The following POC1A variants were observed in gnomAD, a reference collection of about 807,000 sequenced individuals.
POC1A encodes POC1 centriolar protein A.
A neutral mutation model predicts 47.8 loss-of-function variants in POC1A; 34 were observed. That is an observed-to-expected ratio of 0.71 (90% CI 0.54 to 0.95). The LOEUF is 0.95. Ranked by LOEUF, POC1A falls within the 40% of genes least tolerant of loss-of-function variation. POC1A has a pLI of 0.00. For synonymous variants in POC1A, 177 were observed against 207.6 expected, an observed-to-expected ratio of 0.85 and a Z score of 1.27; for missense variants, 466 against 528.3, an observed-to-expected ratio of 0.88 and a Z score of 1.16.
chr3:52,086,323 T>C (rs979969993), intron 10 of POC1A, among the ~76,000 whole-genome samples: 2 of 152,224 alleles, frequency 1.3e-5, no homozygotes, highest in Non-Finnish European at 2.9e-5. Context: ...TGTGCTGCAC[T>C]GAATGTCTAA....
At chr3:52,146,891 C>A (rs573613635) in intron 5 of POC1A, 97 bp downstream of exon 5, 2 of 975,978 alleles carry the variant, frequency 2.0e-6, no homozygotes, top group African/African-American at 1.6e-5. Flanking sequence ...GCTGGTCCCA[C>A]GGCTCCAGCC....
intron 9 of POC1A, among the ~76,000 whole-genome samples, chr3:52,101,087 CAGCAAAAAAAAAAAAAAAAAAAATAT>C (rs1702988247): frequency 8.7e-6 from 1 of 114,610 alleles, no homozygotes; most frequent in African/African-American, 3.5e-5. Flanking sequence ...CCCCAACCCT[CAGCAAAAAAAAAAAAAAAAAAAATAT>C]CAAGCACCAA....
chr3:52,111,652 TAAA>T (rs59028696), intron 9 of POC1A, among the ~76,000 whole-genome samples: 6 of 95,172 alleles, frequency 6.3e-5, no homozygotes, highest in South Asian at 3.4e-4. Context: ...GTCTCAAAAT[TAAA>T]AAAAAAAAAA....
At chr3:52,153,974 C>T (rs560232898) in intron 1 of POC1A, among the ~76,000 whole-genome samples, 2 of 152,240 alleles carry the variant, frequency 1.3e-5, no homozygotes, top group African/African-American at 2.4e-5. Context: ...TACCTACCTG[C>T]TGGAGCAGGG....
At chr3:52,131,044 T>C (rs990345262) in intron 7 of POC1A, among the ~76,000 whole-genome samples, 3 of 152,082 alleles carry the variant, frequency 2.0e-5, no homozygotes, top group African/African-American at 7.2e-5. Context: ...CGGGGGCGCA[T>C]GGCACCGTGT....
intron 9 of POC1A, among the ~76,000 whole-genome samples, chr3:52,097,340 C>A (rs1242157682): frequency 2.0e-5 from 3 of 152,208 alleles, no homozygotes; most frequent in African/African-American, 7.2e-5. Context: ...ACATGGCTGG[C>A]AGGAATCAGA....
intron 6 of POC1A, among the ~76,000 whole-genome samples, chr3:52,140,779 C>G (rs990467312): frequency 1.1e-4 from 17 of 152,232 alleles, no homozygotes; most frequent in Admixed American, 1.1e-3. Flanking sequence ...CCAGCCTCCA[C>G]TCTCACTCCT....
At chr3:52,081,491 G>C (rs1030236035) in intron 10 of POC1A, among the ~76,000 whole-genome samples, 2 of 152,046 alleles carry the variant, frequency 1.3e-5, no homozygotes. Flanking sequence ...ACAGTGGGCT[G>C]CACTGCTGGG....
At chr3:52,094,417 C>T (rs1702739917) in intron 10 of POC1A, among the ~76,000 whole-genome samples, 1 of 152,216 alleles carries the variant, frequency 6.6e-6, no homozygotes, top group Non-Finnish European at 1.5e-5. Flanking sequence ...TGGGCCAATG[C>T]CAAGAGAAAG....
chr3:52,078,466 A>G (rs1045266984), intron 10 of POC1A, among the ~76,000 whole-genome samples: 9 of 151,290 alleles, frequency 5.9e-5, no homozygotes, highest in African/African-American at 1.9e-4. Flanking sequence ...TTCACAGAAA[A>G]TGGTGACTCC....
At chr3:52,147,149 C>T in intron 4 of POC1A, 54 bp from the exon 5 acceptor site, 1 of 1,346,692 alleles carries the variant, frequency 7.4e-7, no homozygotes, top group South Asian at 1.2e-5. Flanking sequence ...ACATGGGCAC[C>T]ACACACCTTC....
intron 9 of POC1A, among the ~76,000 whole-genome samples, chr3:52,097,547 G>A (rs1349115502): frequency 6.6e-6 from 1 of 152,230 alleles, no homozygotes; most frequent in African/African-American, 2.4e-5. Context: ...GGATGTCCAA[G>A]GGCAGGGCTG....
intron 10 of POC1A, among the ~76,000 whole-genome samples, chr3:52,093,498 A>C (rs893001894): frequency 1.2e-4 from 18 of 152,232 alleles, no homozygotes; most frequent in Non-Finnish European, 1.5e-5. Flanking sequence ...TGGCAGCAAC[A>C]GGAGCAGCAC....
At chr3:52,145,671 A>G (rs1698338750) in intron 6 of POC1A, among the ~76,000 whole-genome samples, 175 bp downstream of exon 6, 1 of 152,164 alleles carries the variant, frequency 6.6e-6, no homozygotes, top group East Asian at 1.9e-4. Flanking sequence ...CCAAGGTTCC[A>G]AGCCAGGCCA....
At chr3:52,124,838 T>C (rs1034470728) in intron 8 of POC1A, among the ~76,000 whole-genome samples, 1 of 152,194 alleles carries the variant, frequency 6.6e-6, no homozygotes, top group Non-Finnish European at 1.5e-5. Flanking sequence ...ACGACAACCA[T>C]AGCCCAGCCT....
chr3:52,112,808 T>TA, intron 9 of POC1A, among the ~76,000 whole-genome samples: 1 of 152,204 alleles, frequency 6.6e-6, no homozygotes, highest in Non-Finnish European at 1.5e-5. Flanking sequence ...ACTTCGAAGA[T>TA]AAAGAGACTT....
chr3:52,139,372 C>G (rs753269829), intron 6 of POC1A, among the ~76,000 whole-genome samples: 22 of 152,228 alleles, frequency 1.4e-4, no homozygotes, highest in Non-Finnish European at 1.8e-4. Flanking sequence ...TCCCTACCAT[C>G]TCAGGCTAAC....
chr3:52,102,153 C>A (rs1033206424), intron 9 of POC1A, among the ~76,000 whole-genome samples: 4 of 152,114 alleles, frequency 2.6e-5, no homozygotes, highest in African/African-American at 4.8e-5. Flanking sequence ...CTTCTTGGAA[C>A]TATGGTTTGA....
chr3:52,079,748 T>G lies in POC1A; in HGVS notation c.1126-3763A>C, dbSNP rs1702225743. ...GAAGGGGTTGAGGAGTCCAGGGCTCTGGCTGCTAGAGGGGCAGCCTGGGCA... is the reference window on the plus strand; with the variant it reads ...GAAGGGGTTGAGGAGTCCAGGGCTCGGGCTGCTAGAGGGGCAGCCTGGGCA... On this transcript the variant is annotated intron_variant, in intron 10 of 10. Coordinates refer to ENST00000296484, the MANE Select transcript of POC1A (RefSeq NM_015426.5). This position sits in a 1 kb window ranked among gnomAD's most constrained non-coding sequence, Gnocchi z 4.6. Among the ~76,000 whole-genome samples the G allele has an allele frequency of 6.6e-6, 1 of 152,196 alleles. No homozygotes were observed. The highest frequency in any genetic ancestry group is 1.5e-5 in the Non-Finnish European group (1 of 68,030).
Sources: gnomAD v4.1 joint callset for allele counts (sites outside exome capture counted in the v4.1 genomes callset) on GRCh38, gnomAD v4.1.1 for gene constraint, Gnocchi (gnomAD v3.1) non-coding constraint, MANE v1.5 for transcripts, NCBI Gene and HGNC (gene_info 2026-07-23, HGNC 2026-07-21) for gene names.